CYP4B1: variants seen among roughly 807,000 people sequenced by gnomAD.
CYP4B1 encodes the protein cytochrome P450 family 4 subfamily B member 1, also known as cytochrome P450 4B1.
A neutral mutation model predicts 54.0 loss-of-function variants in CYP4B1; 45 were observed. That is an observed-to-expected ratio of 0.83 (90% CI 0.66 to 1.07). The LOEUF is 1.07. CYP4B1 is among the 50% of genes least tolerant of loss of function. The probability of loss-of-function intolerance (pLI) is 0.00; values close to 1 mark genes in which losing one functional copy is unlikely to be tolerated. For missense variants in CYP4B1, 656 were observed against 655.4 expected, an observed-to-expected ratio of 1.00 and a Z score of -0.01; for synonymous variants, 248 against 247.5, an observed-to-expected ratio of 1.00 and a Z score of -0.02.
chr1:46,818,702 A>G lies in CYP4B1; in HGVS notation c.1427A>G (p.Glu476Gly). 6.2e-7 allele frequency: 1 copy of G among 1,614,160 alleles called. No individual in the cohort carries two copies. Among genetic ancestry groups the G allele is most frequent in the Non-Finnish European group, 8.5e-7 (1 of 1,180,024 alleles). Residue 476 changes from glutamate to glycine, a missense_variant, in exon 12 of 12, where the codon GAG (glutamate) becomes GGG (glycine). Glu to Gly is a moderately conservative substitution (Grantham distance 98). Coordinates refer to ENST00000371923, the MANE Select transcript of CYP4B1 (RefSeq NM_001099772.2). ...VVTAMCLLRFEFSLDPSRLPI... is the reference protein window; with the variant it reads ...VVTAMCLLRFGFSLDPSRLPI... ...ACAGCCATGTGCTTGCTCCGCTTTG[A>G]GTTCTCTCTGGACCCCTCACGGCTG...
intron 1 of CYP4B1, among the ~76,000 whole-genome samples, chr1:46,803,091 T>A (rs1557487584): frequency 6.6e-6 from 1 of 152,226 alleles, no homozygotes; most frequent in East Asian, 1.9e-4. Context: ...GTCACACAGA[T>A]CCTTGAGGCC....
Position 46,810,942 on chromosome 1 carries a change from C to T in CYP4B1, c.315C>T (p.Ser105=), listed in dbSNP as rs928666636. The part of the protein sequence containing the change: ...YEPDYAKAVY[S]RGDPKAPDVY... ...CTGACTATGCCAAAGCTGTGTACAG[C>T]CGTGGGGGTGAGGAGAGAGGATGGG... Residue 105 remains serine, a synonymous_variant, in exon 2 of 12, where the codon AGC becomes AGT. Transcript: ENST00000371923. 9 of 1,613,910 alleles carry T rather than the reference C, an allele frequency of 5.6e-6. No homozygotes were observed. The highest frequency in any genetic ancestry group is 7.6e-6 in the Non-Finnish European group (9 of 1,179,952).
chr1:46,819,262 TTG>T lies in CYP4B1; in HGVS notation c.*460_*461del. 5.7e-5 allele frequency: 9 copies of T among 159,248 alleles called. No homozygotes were observed. The highest frequency in any genetic ancestry group is 1.9e-4 in the South Asian group (1 of 5,130). 9.9% of individuals were successfully genotyped at this position (159,248 alleles called of 1,614,324 possible). A position where few individuals can be genotyped will look rare whatever the true frequency, so the allele number is the denominator to read the frequency against. ...CTGAGATGTGTTTCTTTGTTGAACTTTGTGTGTGTGTGTTTAGAATATAACAG... is the reference window on the plus strand; with the variant it reads ...CTGAGATGTGTTTCTTTGTTGAACTTTGTGTGTGTGTTTAGAATATAACAG... On this transcript the variant is annotated 3_prime_UTR_variant, in exon 12 of 12. Coordinates refer to ENST00000371923, the MANE Select transcript of CYP4B1 (RefSeq NM_001099772.2).
At chr1:46,814,867 G>A in intron 7 of CYP4B1, 1 of 585,156 alleles carries the variant, frequency 1.7e-6, no homozygotes. Context: ...TTTGGCCAGA[G>A]CATTTAGGGA....
At chr1:46,816,365 C>G (rs1035919572) in intron 8 of CYP4B1, among the ~76,000 whole-genome samples, 1 of 152,158 alleles carries the variant, frequency 6.6e-6, no homozygotes, top group Admixed American at 6.5e-5. Context: ...AATGTGAACA[C>G]AACCCGAGGC....
chr1:46,809,130 C>CA (rs757407462), intron 1 of CYP4B1, among the ~76,000 whole-genome samples: 4 of 111,074 alleles, frequency 3.6e-5, no homozygotes, highest in Admixed American at 8.6e-5. Flanking sequence ...AAAAAAAACC[C>CA]AAAAAACAAA....
intron 9 of CYP4B1, 111 bp downstream of exon 9, chr1:46,817,292 T>A: frequency 7.5e-7 from 1 of 1,331,550 alleles, no homozygotes; most frequent in South Asian, 1.4e-5. Context: ...AGGCTTTGCG[T>A]TCAGAGAGCC....
chr1:46,806,025 T>C (rs1478592098), intron 1 of CYP4B1, among the ~76,000 whole-genome samples: 1 of 152,170 alleles, frequency 6.6e-6, no homozygotes, highest in African/African-American at 2.4e-5. Flanking sequence ...GGGAGACCCA[T>C]GGGGAAGGCT....
chr1:46,818,223 G>T lies in CYP4B1; in HGVS notation c.1355+10G>T, dbSNP rs1381410933. 1 of 1,612,964 alleles carries T rather than the reference G, an allele frequency of 6.2e-7. No individual in the cohort carries two copies. Among genetic ancestry groups the T allele is most frequent in the Non-Finnish European group, 8.5e-7 (1 of 1,179,084 alleles). Reference sequence around the variant, plus strand: ...TCTCTGCTGGGCCCAGGTATGGAGAGACCCAGTATCCCAGGCCCTCAGGAC... The same window carrying T: ...TCTCTGCTGGGCCCAGGTATGGAGATACCCAGTATCCCAGGCCCTCAGGAC... On this transcript the variant is annotated intron_variant, in intron 11 of 11. Coordinates refer to ENST00000371923, the MANE Select transcript of CYP4B1 (RefSeq NM_001099772.2).
chr1:46,812,101 G>A, intron 3 of CYP4B1: 2 of 462,260 alleles, frequency 4.3e-6, no homozygotes, highest in South Asian at 1.6e-5. Flanking sequence ...CATTCCCTAA[G>A]TCCTGAAGCT....
Position 46,810,809 on chromosome 1 carries a change from T to C in CYP4B1, c.182T>C (p.Ile61Thr). 1 of 1,614,114 alleles carries C rather than the reference T, an allele frequency of 6.2e-7. No individual in the cohort carries two copies. Among genetic ancestry groups the C allele is most frequent in the Non-Finnish European group, 8.5e-7 (1 of 1,180,008 alleles). The change falls in exon 2 of 12, where the codon ATC becomes ACC. Residue 61 changes from isoleucine to threonine, a missense_variant and splice_region_variant. Transcript: ENST00000371923. ...THWLFGHALEIQETGSLDKVV... is the reference protein window; with the variant it reads ...THWLFGHALETQETGSLDKVV... ...CTTGGCCTTCTGTCATCATTTCAGA[T>C]CCAGGAGACGGGGAGCCTGGACAAA...
intron 8 of CYP4B1, among the ~76,000 whole-genome samples, chr1:46,815,932 G>A (rs1188311162): frequency 6.6e-6 from 1 of 152,142 alleles, no homozygotes; most frequent in Non-Finnish European, 1.5e-5. Context: ...TTCTCTCTGG[G>A]CTCCTGAGCA....
rs563223968 is a variant in CYP4B1, at chr1:46,803,067, A to G, written c.180+3806A>G. ...GACAGAATGGAGAGGATGAGGCTGGAGGTAGACGGGGCAGTCACACAGATC... is the reference window on the plus strand; with the variant it reads ...GACAGAATGGAGAGGATGAGGCTGGGGGTAGACGGGGCAGTCACACAGATC... On this transcript the variant is annotated intron_variant, in intron 1 of 11. Transcript: ENST00000371923. Among the ~76,000 whole-genome samples the G allele has an allele frequency of 3.9e-5, 6 of 152,306 alleles. No homozygotes were observed. The South Asian group carries it at 1.2e-3, about 32-fold the overall frequency.
Position 46,817,981 on chromosome 1 carries a change from G to T in CYP4B1, c.1224G>T (p.Met408Ile). The T allele has an allele frequency of 1.2e-6, 2 of 1,614,158 alleles. No individual in the cohort carries two copies. Among genetic ancestry groups the T allele is most frequent in the Non-Finnish European group, 1.7e-6 (2 of 1,180,010 alleles). The change falls in exon 10 of 12, where the codon ATG becomes ATT. Residue 408 changes from methionine to isoleucine, a missense_variant. Transcript: ENST00000371923. Reference protein sequence around the residue: ...RSLPAGSLISMHIYALHRNSA... With the variant: ...RSLPAGSLISIHIYALHRNSA... ...TGCCCACAGGAAGCCTGATCTCTAT[G>T]CATATCTATGCCCTCCATAGGAACA...
chr1:46,814,301 C>T lies in CYP4B1; in HGVS notation c.868C>T (p.Leu290Phe), dbSNP rs1679242774. ...NRRHLDFLDILLGARDEDDIK... is the reference protein window; with the variant it reads ...NRRHLDFLDIFLGARDEDDIK... ...GAGGCACCTGGACTTCCTGGACATTCTCCTGGGTGCCCGGGTGAGTACATT... is the reference window on the plus strand; with the variant it reads ...GAGGCACCTGGACTTCCTGGACATTTTCCTGGGTGCCCGGGTGAGTACATT... Residue 290 changes from leucine to phenylalanine, a missense_variant, in exon 7 of 12, where the codon CTC (leucine) becomes TTC (phenylalanine). Physicochemically the swap from Leu to Phe is conservative, Grantham distance 22. Transcript: ENST00000371923. 6.2e-7 allele frequency: 1 copy of T among 1,613,520 alleles called. No homozygotes were observed. The highest frequency in any genetic ancestry group is 1.3e-5 in the African/African-American group (1 of 74,922).
In CYP4B1 at chr1:46,811,262, A is replaced by G. The variant is rs180735380; in HGVS notation, c.367+78A>G. On this transcript the variant is annotated intron_variant, in intron 3 of 11. Coordinates refer to ENST00000371923, the MANE Select transcript of CYP4B1 (RefSeq NM_001099772.2). The stretch of plus-strand genomic sequence containing the variant: ...GGTGACTAGGATCCTGGCCTGTCCC[A>G]CTCAATTGGTTATCCCAGATGGCCT... 2.3e-5 allele frequency: 33 copies of G among 1,454,020 alleles called. No individual in the cohort carries two copies. The African/African-American group carries it at 3.7e-4, about 16-fold the overall frequency. The allele number at this position is 1,454,020 out of a possible 1,614,324, so 90.1% of individuals were successfully genotyped here.
chr1:46,813,702 G>A (rs1031283015), intron 5 of CYP4B1, 96 bp downstream of exon 5: 250 of 1,555,518 alleles, frequency 1.6e-4, no homozygotes, highest in Non-Finnish European at 2.1e-4. Flanking sequence ...AGAAGAGATA[G>A]GGTCCTGCCC....
rs201095720 is a variant in CYP4B1, at chr1:46,818,225, C to T, written c.1355+12C>T. On this transcript the variant is annotated intron_variant, in intron 11 of 11. Coordinates refer to ENST00000371923, the MANE Select transcript of CYP4B1 (RefSeq NM_001099772.2). ...TCTGCTGGGCCCAGGTATGGAGAGA[C>T]CCAGTATCCCAGGCCCTCAGGACTG... The T allele has an allele frequency of 9.2e-4, 1,489 of 1,611,114 alleles. 3 individuals carry two copies. Among genetic ancestry groups the T allele is most frequent in the Non-Finnish European group, 1.2e-3 (1,383 of 1,177,340 alleles).
intron 5 of CYP4B1, 96 bp from the exon 6 acceptor site, chr1:46,813,813 G>A (rs1027204040): frequency 6.0e-6 from 9 of 1,496,612 alleles, no homozygotes; most frequent in Non-Finnish European, 7.3e-6. Context: ...AGAGCAGGAT[G>A]CTCTGTGGTT....
Sources: gnomAD v4.1 joint callset for allele counts (sites outside exome capture counted in the v4.1 genomes callset) on GRCh38, gnomAD v4.1.1 for gene constraint, MANE v1.5 for transcripts, NCBI Gene and HGNC (gene_info 2026-07-23, HGNC 2026-07-21) for gene names.